ZNF341: variants seen among roughly 807,000 people sequenced by gnomAD.
ZNF341 encodes the protein zinc finger protein 341.
In ZNF341, 52 loss-of-function variants were observed where a neutral mutation model predicts 87.7. The observed-to-expected ratio is 0.59, with a 90% CI of 0.47 to 0.75. The LOEUF is 0.75. Ranked by LOEUF, ZNF341 falls within the 30% of genes least tolerant of loss-of-function variation. The pLI, the probability that ZNF341 is intolerant of heterozygous loss-of-function variation, is 0.00. For synonymous variants in ZNF341, 459 were observed against 472.7 expected (o/e 0.97, Z 0.38); for missense variants, 977 against 1,145.9 (o/e 0.85, Z 2.13).
chr20:33,782,583 A>G (rs1287664146), intron 11 of ZNF341, among the ~76,000 whole-genome samples: 1 of 152,212 alleles, frequency 6.6e-6, no homozygotes, highest in Non-Finnish European at 1.5e-5. Flanking sequence ...CCATGAATTG[A>G]GCAAGAACCA....
intron 12 of ZNF341, among the ~76,000 whole-genome samples, chr20:33,784,762 C>T (rs535574625): frequency 5.9e-5 from 9 of 152,036 alleles, no homozygotes; most frequent in African/African-American, 2.2e-4. Context: ...TTACAGGCTC[C>T]CACCACCATG....
chr20:33,780,024 G>A (rs1366290855), intron 10 of ZNF341, among the ~76,000 whole-genome samples: 1 of 152,192 alleles, frequency 6.6e-6, no homozygotes, highest in Non-Finnish European at 1.5e-5. Flanking sequence ...GAAGTGGTAA[G>A]AAGAAAATAA....
chr20:33,764,293 C>T (rs2019353099), intron 8 of ZNF341, among the ~76,000 whole-genome samples: 1 of 150,886 alleles, frequency 6.6e-6, no homozygotes, highest in African/African-American at 2.4e-5. Context: ...TCCCAAAGTG[C>T]TGGGATTACA....
In ZNF341 at chr20:33,758,751, T is replaced by C; in HGVS notation, c.973T>C (p.Ser325Pro). Reference sequence around the variant, plus strand: ...GCCAAAGGCTCAGAAACTCAAGTGCTCATACTGTGACAAGTCATTCACCAA... The same window carrying C: ...GCCAAAGGCTCAGAAACTCAAGTGCCCATACTGTGACAAGTCATTCACCAA... ...GKPKAQKLKC[S>P]YCDKSFTKNF... The change falls in exon 7 of 15, where the codon TCA (serine) becomes CCA (proline). Residue 325 changes from serine to proline, a missense_variant. Transcript: ENST00000375200. The C allele has an allele frequency of 6.2e-7, 1 of 1,613,980 alleles. No individual in the cohort carries two copies. The highest frequency in any genetic ancestry group is 1.7e-4 in the Middle Eastern group (1 of 6,060).
At chr20:33,770,378 C>A in intron 10 of ZNF341, 86 bp downstream of exon 10, 1 of 1,326,248 alleles carries the variant, frequency 7.5e-7, no homozygotes, top group Non-Finnish European at 1.0e-6. Flanking sequence ...GTTCTGACTG[C>A]TTAGGACCAG....
At chr20:33,775,722 C>G (rs965223231) in intron 10 of ZNF341, among the ~76,000 whole-genome samples, 13 of 151,888 alleles carry the variant, frequency 8.6e-5, no homozygotes, top group African/African-American at 3.1e-4. Context: ...ATTTTTGAGA[C>G]AGGATCTTGC....
At chr20:33,768,343 G>A (rs1217324405) in intron 9 of ZNF341, among the ~76,000 whole-genome samples, 1 of 151,668 alleles carries the variant, frequency 6.6e-6, no homozygotes, top group Non-Finnish European at 1.5e-5. Context: ...GGCTGGTCCC[G>A]AATTCCTTAC....
intron 2 of ZNF341, among the ~76,000 whole-genome samples, 167 bp downstream of exon 2, chr20:33,741,179 G>A (rs761824026): frequency 2.0e-5 from 3 of 152,098 alleles, no homozygotes; most frequent in South Asian, 2.1e-4. Context: ...TTGGGCTCAC[G>A]GCTTTCTCTG....
At chr20:33,757,125 C>T in intron 5 of ZNF341, 23 bp from the exon 6 acceptor site, 2 of 1,381,038 alleles carry the variant, frequency 1.4e-6, no homozygotes, top group Non-Finnish European at 1.9e-6. Flanking sequence ...AGGGCTTTTT[C>T]CCTGACTGTG....
chr20:33,735,278 G>T (rs932398680), intron 1 of ZNF341, among the ~76,000 whole-genome samples: 3 of 152,112 alleles, frequency 2.0e-5, no homozygotes, highest in Admixed American at 2.0e-4. Context: ...TGATCTGCCC[G>T]CCTTGGCCTC....
intron 8 of ZNF341, 124 bp from the exon 9 acceptor site, chr20:33,766,727 C>A: frequency 9.7e-7 from 1 of 1,032,952 alleles, no homozygotes; most frequent in Non-Finnish European, 1.4e-6. Context: ...ACCTTAAGCA[C>A]AGAGTCTGAC....
chr20:33,732,015 C>A lies in ZNF341; in HGVS notation c.-7C>A. 5 of 1,425,798 alleles carry A rather than the reference C, an allele frequency of 3.5e-6. No individual in the cohort carries two copies. The South Asian group carries it at 4.2e-5, about 12-fold the overall frequency. 88.3% of individuals were successfully genotyped at this position (1,425,798 alleles called of 1,614,324 possible). A position where few individuals can be genotyped will look rare whatever the true frequency, so the allele number is the denominator to read the frequency against. Reference sequence around the variant, plus strand: ...GTTCCTGTGGCGGCGACGGCGGCGGCTCCAAGATGGCGCAGGCGATCTTTG... The same window carrying A: ...GTTCCTGTGGCGGCGACGGCGGCGGATCCAAGATGGCGCAGGCGATCTTTG... On this transcript the variant is annotated 5_prime_UTR_variant, in exon 1 of 15. Coordinates refer to ENST00000375200, the MANE Select transcript of ZNF341 (RefSeq NM_001282933.2). This position sits in a 1 kb window ranked among gnomAD's most constrained non-coding sequence, Gnocchi z 4.5.
At chr20:33,785,537 A>G (rs976605941) in intron 12 of ZNF341, among the ~76,000 whole-genome samples, 36 of 152,038 alleles carry the variant, frequency 2.4e-4, no homozygotes, top group African/African-American at 8.7e-4. Flanking sequence ...GGGTTTCACC[A>G]TGTTGGCCAA....
At chr20:33,770,984 T>G (rs988175090) in intron 10 of ZNF341, among the ~76,000 whole-genome samples, 2 of 151,500 alleles carry the variant, frequency 1.3e-5, no homozygotes, top group African/African-American at 4.9e-5. Context: ...TAGCCGGGCG[T>G]GGTGGTGGGC....
intron 3 of ZNF341, 60 bp downstream of exon 3, chr20:33,745,359 T>C: frequency 6.6e-7 from 1 of 1,523,288 alleles, no homozygotes; most frequent in Non-Finnish European, 8.9e-7. Context: ...GCTCAGGCAC[T>C]GTGCTGGGCA....
intron 2 of ZNF341, among the ~76,000 whole-genome samples, chr20:33,742,655 G>A (rs2018826680): frequency 6.6e-6 from 1 of 151,788 alleles, no homozygotes; most frequent in Non-Finnish European, 1.5e-5. Flanking sequence ...AATAGAGATA[G>A]GGTCTCTCTG....
intron 1 of ZNF341, among the ~76,000 whole-genome samples, chr20:33,733,094 TG>T (rs2018609593): frequency 6.6e-6 from 1 of 152,274 alleles, no homozygotes; most frequent in East Asian, 1.9e-4. Flanking sequence ...TCGCCCAGGC[TG>T]GAGTGCAGTG....
intron 3 of ZNF341, among the ~76,000 whole-genome samples, chr20:33,746,369 G>T (rs1349910285): frequency 6.6e-6 from 1 of 151,226 alleles, no homozygotes; most frequent in Non-Finnish European, 1.5e-5. Flanking sequence ...GAGTAGCTGG[G>T]ACTACAGGCG....
At chr20:33,782,431 T>C (rs530402254) in intron 11 of ZNF341, among the ~76,000 whole-genome samples, 2 of 152,346 alleles carry the variant, frequency 1.3e-5, no homozygotes, top group Admixed American at 6.5e-5. Context: ...TTTAACTTGC[T>C]TCTTCACTCT....
Sources: allele counts gnomAD v4.1 joint callset (sites outside exome capture counted in the v4.1 genomes callset), GRCh38; gene constraint gnomAD v4.1.1; non-coding constraint Gnocchi (gnomAD v3.1); transcripts MANE v1.5; gene names NCBI Gene and HGNC (gene_info 2026-07-23, HGNC 2026-07-21).